DNAH7: variants seen among roughly 807,000 people sequenced by gnomAD.
The protein encoded by DNAH7 is dynein axonemal heavy chain 7.
Under a neutral mutation model 444.6 loss-of-function variants are expected in DNAH7, and 397 were observed. The ratio of observed to expected loss-of-function variants is 0.89; its 90% CI spans 0.82 to 0.97. The LOEUF is 0.97. Ranked by LOEUF, DNAH7 falls within the 50% of genes least tolerant of loss-of-function variation. DNAH7 has a pLI of 0.00. For synonymous variants in DNAH7, 1,636 were observed against 1,624.4 expected, an observed-to-expected ratio of 1.01 and a Z score of -0.17; for missense variants, 4,902 against 4,800.8, an observed-to-expected ratio of 1.02 and a Z score of -0.62.
rs1691035059 is a variant in DNAH7 at position 195,960,715 on chromosome 2, T to G, written c.2436A>C (p.Lys812Asn). 1 of 1,614,084 alleles carries G rather than the reference T, an allele frequency of 6.2e-7. No individual in the cohort carries two copies. The highest frequency in any genetic ancestry group is 1.3e-5 in the African/African-American group (1 of 74,948). Reference protein sequence around the residue: ...NYWRGLYKLEKTFHDSPYALA... With the variant: ...NYWRGLYKLENTFHDSPYALA... Reference sequence around the variant, plus strand: ...ATGCATATGGAGAATCATGAAAGGTTTTCTCCAGTTTATATAATCCTCTCC... The same window carrying G: ...ATGCATATGGAGAATCATGAAAGGTGTTCTCCAGTTTATATAATCCTCTCC... The change falls in exon 18 of 65, where the codon AAA (lysine) becomes AAC (asparagine). Residue 812 changes from lysine (K) to asparagine (N), a missense_variant. Physicochemically the swap from Lys to Asn is moderately conservative, Grantham distance 94 (BLOSUM62 0). Coordinates refer to ENST00000312428, the MANE Select transcript of DNAH7 (RefSeq NM_018897.3).
intron 45 of DNAH7, 147 bp from the exon 46 acceptor site, chr2:195,853,675 C>A: frequency 2.7e-6 from 2 of 735,322 alleles, no homozygotes; most frequent in Non-Finnish European, 2.1e-6. Flanking sequence ...TAGGAAAGTC[C>A]ATGATATTTT....
chr2:195,892,440 T>C (rs1339655114), intron 30 of DNAH7: 1 of 151,916 alleles, frequency 6.6e-6, no homozygotes, highest in African/African-American at 2.4e-5. Context: ...AGCTGGTCTA[T>C]GGCATTATAA....
chr2:195,958,075 A>T (rs1559272510), intron 18 of DNAH7, among the ~76,000 whole-genome samples: 2 of 152,130 alleles, frequency 1.3e-5, no homozygotes, highest in Admixed American at 1.3e-4. Flanking sequence ...CCCTTCAACA[A>T]CACAGGTTTC....
At chr2:195,907,245 T>C (rs1407938970) in intron 25 of DNAH7, among the ~76,000 whole-genome samples, 2 of 152,316 alleles carry the variant, frequency 1.3e-5, no homozygotes, top group African/African-American at 2.4e-5. Flanking sequence ...TTCTGCATTT[T>C]TTTTTTAGCA....
At chr2:195,923,008 C>T (rs762097637) in intron 23 of DNAH7, among the ~76,000 whole-genome samples, 9 of 152,044 alleles carry the variant, frequency 5.9e-5, no homozygotes, top group South Asian at 2.1e-4. Flanking sequence ...GCTACAAGCA[C>T]GCCCCACCAT....
chr2:195,979,602 A>C (rs982770609), intron 15 of DNAH7, among the ~76,000 whole-genome samples: 1 of 152,140 alleles, frequency 6.6e-6, no homozygotes, highest in African/African-American at 2.4e-5. Flanking sequence ...TAGTCTAAGA[A>C]AATAAATAAT....
intron 24 of DNAH7, among the ~76,000 whole-genome samples, chr2:195,920,457 C>T (rs926354581): frequency 1.3e-5 from 2 of 152,088 alleles, no homozygotes; most frequent in African/African-American, 2.4e-5. Flanking sequence ...CCAACAAAAA[C>T]GTAAAGTGGG....
chr2:195,858,552 AT>A lies in DNAH7; in HGVS notation c.7988del (p.Asp2663ValfsTer14). 1 of 1,613,918 alleles carries A rather than the reference AT, an allele frequency of 6.2e-7. No homozygotes were observed. ...CACCTGCCAGGTCAGCATCGCACTC[AT>A]CTTTGATGGCTTTGGAAGCCATAGC... ...EQAMASKAIK[D>X]ECDADLAGAL... On this transcript the variant is annotated frameshift_variant, in exon 43 of 65. Transcript: ENST00000312428. LOFTEE classifies it high-confidence loss of function.
intron 12 of DNAH7, among the ~76,000 whole-genome samples, chr2:195,997,126 T>G (rs1693742253): frequency 1.3e-5 from 2 of 152,224 alleles, no homozygotes; most frequent in East Asian, 3.9e-4. Context: ...GATTGTTTCT[T>G]AAATTTATTA....
In DNAH7 at chr2:195,864,759, T is replaced by C; in HGVS notation, c.6896A>G (p.His2299Arg). ...VDNLRMIVEI[H>R]LEEYNNISKK... The stretch of plus-strand genomic sequence containing the variant: ...GCTTATATTGTTGTATTCTTCTAGG[T>C]GAATTTCTACTATCATTCGAAGATT... Residue 2299 changes from histidine to arginine, a missense_variant, in exon 41 of 65, where the codon CAC becomes CGC. Transcript: ENST00000312428. 2 of 1,614,238 alleles carry C rather than the reference T, an allele frequency of 1.2e-6. No homozygotes were observed. The highest frequency in any genetic ancestry group is 4.5e-5 in the East Asian group (2 of 44,888).
At chr2:196,045,241 GAGGGAAGAAAAAGAAGA>G (rs1697040197) in intron 5 of DNAH7, among the ~76,000 whole-genome samples, 1 of 149,486 alleles carries the variant, frequency 6.7e-6, no homozygotes, top group African/African-American at 2.5e-5. Flanking sequence ...GAAAGAGAGG[GAGGGAAGAAAAAGAAGA>G]AGGGAAGGGA....
At chr2:195,930,064 G>T (rs1688588019) in intron 21 of DNAH7, among the ~76,000 whole-genome samples, 2 of 152,090 alleles carry the variant, frequency 1.3e-5, no homozygotes, top group Non-Finnish European at 2.9e-5. Context: ...TGAGCAGCAG[G>T]CCAGGTGCGC....
chr2:195,851,104 A>C (rs545660381), intron 46 of DNAH7, among the ~76,000 whole-genome samples: 1 of 152,342 alleles, frequency 6.6e-6, no homozygotes, highest in South Asian at 2.1e-4. Flanking sequence ...GTGAAAGCAC[A>C]CAGAAGCCAG....
intron 9 of DNAH7, among the ~76,000 whole-genome samples, chr2:196,014,831 C>T (rs1221879943): frequency 6.6e-6 from 1 of 152,118 alleles, no homozygotes; most frequent in Non-Finnish European, 1.5e-5. Context: ...ACACTATAGG[C>T]CAGTGTCCTG....
rs545934085 is a variant in DNAH7, at chr2:195,919,090, A to C, written c.3935+2998T>G. Among the ~76,000 whole-genome samples the C allele has an allele frequency of 4.6e-5, 7 of 152,144 alleles. No homozygotes were observed. The South Asian group carries it at 1.2e-3, about 27-fold the overall frequency. ...ATGGTGAAACTCTGTCTCTACTAAAAAATACAAAAAATAGCTGGGTGTGGT... is the reference window on the plus strand; with the variant it reads ...ATGGTGAAACTCTGTCTCTACTAAACAATACAAAAAATAGCTGGGTGTGGT... On this transcript the variant is annotated intron_variant, in intron 24 of 64. Transcript: ENST00000312428.
At chr2:196,051,288 T>G (rs1401405840) in intron 2 of DNAH7, 39 bp from the exon 3 acceptor site, 1 of 1,555,036 alleles carries the variant, frequency 6.4e-7, no homozygotes, top group Non-Finnish European at 8.9e-7. Flanking sequence ...GTGTTTACTC[T>G]GTTAGTGCTA....
intron 16 of DNAH7, 48 bp from the exon 17 acceptor site, chr2:195,970,142 T>C (rs377266746): frequency 1.1e-5 from 17 of 1,529,264 alleles, no homozygotes; most frequent in Non-Finnish European, 1.4e-5. Flanking sequence ...TAAAACCCCT[T>C]GCTGTCAAAA....
At chr2:196,021,920 A>G (rs534955591) in intron 8 of DNAH7, among the ~76,000 whole-genome samples, 2 of 152,290 alleles carry the variant, frequency 1.3e-5, no homozygotes, top group East Asian at 3.9e-4. Context: ...TGAGGTCAAG[A>G]GTTTGAGACA....
chr2:195,970,825 C>T (rs944986185), intron 16 of DNAH7, among the ~76,000 whole-genome samples: 2 of 152,104 alleles, frequency 1.3e-5, no homozygotes, highest in African/African-American at 4.8e-5. Context: ...ATTATCTAGG[C>T]TGATTTATGT....
Sources: allele counts gnomAD v4.1 joint callset (sites outside exome capture counted in the v4.1 genomes callset), GRCh38; gene constraint gnomAD v4.1.1; transcripts MANE v1.5; gene names NCBI Gene and HGNC (gene_info 2026-07-23, HGNC 2026-07-21).